COL26A1: variants seen among roughly 807,000 people sequenced by gnomAD.
COL26A1 encodes collagen alpha-1(XXVI) chain.
COL26A1 carries 41 observed loss-of-function variants against 59.3 expected under a neutral mutation model. The observed-to-expected ratio is 0.69, with a 90% CI of 0.54 to 0.90. COL26A1 has a LOEUF of 0.90. Among genes scored for constraint, COL26A1 ranks in the 40% least tolerant of loss-of-function variants. The pLI, the probability that COL26A1 is intolerant of heterozygous loss-of-function variation, is 0.00. For synonymous variants in COL26A1, 266 were observed against 256.0 expected (o/e 1.04, Z -0.37); for missense variants, 612 against 602.3 (o/e 1.02, Z -0.17).
At chr7:101,517,805 T>C (rs1230151936) in intron 3 of COL26A1, among the ~76,000 whole-genome samples, 1 of 43,946 alleles carries the variant, frequency 2.3e-5, no homozygotes, top group Non-Finnish European at 4.6e-5. Flanking sequence ...CGCATTTTTT[T>C]TTTTTTTTTT....
chr7:101,519,710 C>T (rs1214751396), intron 3 of COL26A1, among the ~76,000 whole-genome samples: 1 of 152,154 alleles, frequency 6.6e-6, no homozygotes, highest in African/African-American at 2.4e-5. Context: ...AGGCAGGGAC[C>T]ACCTGGACAC....
intron 3 of COL26A1, among the ~76,000 whole-genome samples, chr7:101,478,272 C>T (rs945086918): frequency 3.3e-5 from 5 of 152,198 alleles, no homozygotes; most frequent in South Asian, 2.1e-4. Flanking sequence ...TGAGCCGCCA[C>T]GCCCAGCTCA....
chr7:101,465,703 A>T (rs1793742710), intron 3 of COL26A1, among the ~76,000 whole-genome samples: 1 of 151,698 alleles, frequency 6.6e-6, no homozygotes. Flanking sequence ...AAAAAAAAAA[A>T]AAAAAAAAAG....
At chr7:101,401,136 A>C (rs1791986848) in intron 1 of COL26A1, among the ~76,000 whole-genome samples, 1 of 152,154 alleles carries the variant, frequency 6.6e-6, no homozygotes, top group Non-Finnish European at 1.5e-5. Context: ...CTCTTTGCAG[A>C]ACTACCTGCC....
intron 4 of COL26A1, among the ~76,000 whole-genome samples, chr7:101,536,576 A>T (rs545858700): frequency 2.9e-4 from 44 of 152,374 alleles, no homozygotes; most frequent in African/African-American, 1.0e-3. Context: ...CAGATCCCAG[A>T]CAGGGAAGCA....
chr7:101,405,699 C>G (rs1205198822), intron 1 of COL26A1, among the ~76,000 whole-genome samples: 1 of 152,230 alleles, frequency 6.6e-6, no homozygotes, highest in Non-Finnish European at 1.5e-5. Flanking sequence ...ATCTCTCCCC[C>G]TAGCCTGTTC....
At chr7:101,372,311 G>A (rs984311495) in intron 1 of COL26A1, among the ~76,000 whole-genome samples, 2 of 152,018 alleles carry the variant, frequency 1.3e-5, no homozygotes, top group African/African-American at 2.4e-5. Flanking sequence ...GATTACAGGC[G>A]CCCACCAACA....
intron 3 of COL26A1, among the ~76,000 whole-genome samples, chr7:101,451,541 T>G (rs1793338097): frequency 6.7e-6 from 1 of 149,404 alleles, no homozygotes. Context: ...TTTTCTGATT[T>G]GGGATGCTGA....
At chr7:101,432,143 G>T (rs1272485060) in intron 2 of COL26A1, among the ~76,000 whole-genome samples, 1 of 151,928 alleles carries the variant, frequency 6.6e-6, no homozygotes, top group Non-Finnish European at 1.5e-5. Flanking sequence ...TGTATTTTTA[G>T]TAGAGACAGG....
At chr7:101,470,251 C>G (rs1031666804) in intron 3 of COL26A1, among the ~76,000 whole-genome samples, 3 of 151,926 alleles carry the variant, frequency 2.0e-5, no homozygotes, top group African/African-American at 7.3e-5. Flanking sequence ...AGGCGCGCAC[C>G]GCCATGTCCA....
chr7:101,429,087 C>T (rs1042688692), intron 2 of COL26A1, among the ~76,000 whole-genome samples: 1 of 151,900 alleles, frequency 6.6e-6, no homozygotes, highest in African/African-American at 2.4e-5. Flanking sequence ...CCACGCCTGG[C>T]TAATTTTTGT....
At chr7:101,547,125 C>T in intron 7 of COL26A1, 31 bp from the exon 8 acceptor site, 1 of 1,524,398 alleles carries the variant, frequency 6.6e-7, no homozygotes, top group Non-Finnish European at 8.9e-7. Context: ...TCTGCCCCAC[C>T]AGACCCCTGG....
At chr7:101,385,659 C>A (rs1184289059) in intron 1 of COL26A1, among the ~76,000 whole-genome samples, 2 of 151,932 alleles carry the variant, frequency 1.3e-5, no homozygotes, top group Non-Finnish European at 2.9e-5. Context: ...GCGTGAGCCA[C>A]CACGCCTGGC....
At chr7:101,501,959 GC>G (rs1794715583) in intron 3 of COL26A1, among the ~76,000 whole-genome samples, 2 of 151,352 alleles carry the variant, frequency 1.3e-5, no homozygotes, top group Non-Finnish European at 2.9e-5. Flanking sequence ...AAAATCTTCC[GC>G]CCTTTCTTCC....
intron 1 of COL26A1, among the ~76,000 whole-genome samples, chr7:101,365,650 C>T (rs1791026797): frequency 6.6e-6 from 1 of 152,108 alleles, no homozygotes; most frequent in Non-Finnish European, 1.5e-5. Context: ...TCTCAAACTC[C>T]TGGCCTCAAA....
intron 3 of COL26A1, among the ~76,000 whole-genome samples, chr7:101,513,299 C>G (rs911825032): frequency 1.3e-5 from 2 of 151,288 alleles, no homozygotes; most frequent in African/African-American, 4.9e-5. Flanking sequence ...TAAGCCACCA[C>G]GCCCAGCCTC....
Position 101,460,280 on chromosome 7 carries a change from G to A in COL26A1, c.385+12493G>A, listed in dbSNP as rs952359269. Among the ~76,000 whole-genome samples the A allele has an allele frequency of 3.3e-5, 5 of 152,112 alleles. No individual in the cohort carries two copies. The South Asian group carries it at 6.2e-4, about 19-fold the overall frequency. On this transcript the variant is annotated intron_variant, in intron 3 of 12. Coordinates refer to ENST00000313669, the MANE Select transcript of COL26A1 (RefSeq NM_001278563.3). ...TCCAATACTGTGAGATAAGGACTTC[G>A]CTAAAGGTACGATTGAGGTGTTGTG...
At chr7:101,478,256 C>T (rs1251332813) in intron 3 of COL26A1, among the ~76,000 whole-genome samples, 1 of 152,210 alleles carries the variant, frequency 6.6e-6, no homozygotes, top group Admixed American at 6.5e-5. Context: ...GCTGGGATTA[C>T]AGGCATGAGC....
intron 3 of COL26A1, among the ~76,000 whole-genome samples, chr7:101,458,235 T>A (rs887363988): frequency 3.3e-5 from 5 of 152,186 alleles, no homozygotes; most frequent in African/African-American, 1.2e-4. Flanking sequence ...TTAAGTCACA[T>A]TTCACCAGTA....
Sources: allele counts gnomAD v4.1 joint callset (sites outside exome capture counted in the v4.1 genomes callset), GRCh38; gene constraint gnomAD v4.1.1; transcripts MANE v1.5; gene names NCBI Gene and HGNC (gene_info 2026-07-23, HGNC 2026-07-21).